Variants in PDE1C observed in about 807,000 individuals in gnomAD.
PDE1C encodes the protein dual specificity calcium/calmodulin-dependent 3',5'-cyclic nucleotide phosphodiesterase 1C.
PDE1C carries 62 observed loss-of-function variants against 93.1 expected under a neutral mutation model. That is an observed-to-expected ratio of 0.67 (90% CI 0.54 to 0.82). The LOEUF (loss-of-function observed/expected upper bound fraction) is 0.82, where lower values mean the gene tolerates loss of function less well. PDE1C is among the 40% of genes least tolerant of loss of function. PDE1C has a pLI of 0.00. For missense variants in PDE1C, 742 were observed against 884.6 expected, an observed-to-expected ratio of 0.84 and a Z score of 2.04; for synonymous variants, 325 against 310.1, an observed-to-expected ratio of 1.05 and a Z score of -0.50.
chr7:31,790,010 A>G, intron 16 of PDE1C: 1 of 1,304,184 alleles, frequency 7.7e-7, no homozygotes, highest in South Asian at 2.5e-5. Context: ...TGTTTTGCTC[A>G]GGGGAATATC....
At chr7:32,029,599 A>G (rs1035950124) in intron 2 of PDE1C, among the ~76,000 whole-genome samples, 5 of 152,084 alleles carry the variant, frequency 3.3e-5, no homozygotes, top group Admixed American at 3.3e-4. Flanking sequence ...GAAGGCAGAG[A>G]GGAAAGAAAG....
At chr7:32,023,327 G>A (rs1788944650) in intron 2 of PDE1C, among the ~76,000 whole-genome samples, 1 of 152,044 alleles carries the variant, frequency 6.6e-6, no homozygotes. Flanking sequence ...AACAACCTTA[G>A]CCACTGTTAC....
chr7:31,817,236 A>G (rs1041710220), intron 14 of PDE1C, among the ~76,000 whole-genome samples: 2 of 152,182 alleles, frequency 1.3e-5, no homozygotes, highest in African/African-American at 4.8e-5. Flanking sequence ...ACAAGGTGAC[A>G]TTTAACCAAG....
At chr7:32,228,749 C>T (rs1401485985) in intron 1 of PDE1C, among the ~76,000 whole-genome samples, 1 of 152,210 alleles carries the variant, frequency 6.6e-6, no homozygotes, top group East Asian at 1.9e-4. Context: ...CCTGTGTCCT[C>T]CTGGCCTACC....
intron 1 of PDE1C, among the ~76,000 whole-genome samples, chr7:32,339,010 G>GCACA (rs57740255): frequency 0.035 from 4,913 of 138,560 alleles, 275 homozygotes; most frequent in African/African-American, 0.12. Flanking sequence ...CTCAAAAAAA[G>GCACA]CACACACACA....
At chr7:31,811,912 A>T (rs1394247068) in intron 15 of PDE1C, among the ~76,000 whole-genome samples, 1 of 152,126 alleles carries the variant, frequency 6.6e-6, no homozygotes, top group Non-Finnish European at 1.5e-5. Context: ...CTAACTTGGA[A>T]GATATCCTGG....
upstream of PDE1C, among the ~76,000 whole-genome samples, chr7:32,072,701 A>G (rs1314861882): frequency 6.6e-6 from 1 of 152,222 alleles, no homozygotes; most frequent in African/African-American, 2.4e-5. Context: ...ACTCGAGACT[A>G]TTCTATGAGG....
chr7:31,857,683 C>CTGGA (rs1794194500), intron 7 of PDE1C, among the ~76,000 whole-genome samples: 1 of 152,156 alleles, frequency 6.6e-6, no homozygotes, highest in Non-Finnish European at 1.5e-5. Context: ...TCTAACCCAC[C>CTGGA]TGGACATTCA....
At chr7:32,217,210 T>C (rs977506126) in intron 1 of PDE1C, among the ~76,000 whole-genome samples, 31 of 152,272 alleles carry the variant, frequency 2.0e-4, no homozygotes, top group African/African-American at 7.5e-4. Flanking sequence ...CAAATGCATC[T>C]CAGTATGAAC....
At chr7:32,167,100 T>A (rs927677616) in intron 3 of PDE1C, among the ~76,000 whole-genome samples, 7 of 150,874 alleles carry the variant, frequency 4.6e-5, no homozygotes, top group African/African-American at 1.5e-4. Context: ...ATATTTGAAA[T>A]TTTTTTGAAA....
intron 1 of PDE1C, among the ~76,000 whole-genome samples, chr7:32,332,874 T>C (rs1439936408): frequency 2.0e-5 from 3 of 152,168 alleles, no homozygotes; most frequent in Non-Finnish European, 4.4e-5. Context: ...GTTATACTTT[T>C]AGGGAGGACC....
At chr7:31,842,528 T>C (rs934888004) in intron 9 of PDE1C, among the ~76,000 whole-genome samples, 4 of 152,070 alleles carry the variant, frequency 2.6e-5, no homozygotes, top group African/African-American at 9.6e-5. Context: ...AGTTGTATTT[T>C]GCAAGGAATT....
At chr7:32,378,399 A>G (rs2128089564) in intron 1 of PDE1C, among the ~76,000 whole-genome samples, 1 of 152,312 alleles carries the variant, frequency 6.6e-6, no homozygotes, top group African/African-American at 2.4e-5. Flanking sequence ...TTTGAGAGGC[A>G]TTTAGTTTAT....
chr7:32,210,128 G>T (rs943811008), intron 1 of PDE1C, among the ~76,000 whole-genome samples: 32 of 152,276 alleles, frequency 2.1e-4, no homozygotes, highest in African/African-American at 7.7e-4. Flanking sequence ...AGCAGGGCAG[G>T]CTACCTCCTA....
chr7:31,620,071 A>AC, the PDE1C span, among the ~76,000 whole-genome samples: 1 of 152,140 alleles, frequency 6.6e-6, no homozygotes, highest in African/African-American at 2.4e-5. Flanking sequence ...GCCCGCCATT[A>AC]CCCAGGCTTG....
At chr7:32,378,284 A>G (rs1784468986) in intron 1 of PDE1C, among the ~76,000 whole-genome samples, 1 of 152,178 alleles carries the variant, frequency 6.6e-6, no homozygotes, top group South Asian at 2.1e-4. Flanking sequence ...TCAAATGCCG[A>G]TCTTGAAACC....
chr7:31,925,705 T>C (rs1339984312), intron 2 of PDE1C, among the ~76,000 whole-genome samples: 1 of 152,160 alleles, frequency 6.6e-6, no homozygotes, highest in East Asian at 1.9e-4. Context: ...TAATAAAAAA[T>C]AAAATGTCTA....
chr7:32,287,381 G>A (rs946951772), intron 1 of PDE1C, among the ~76,000 whole-genome samples: 2 of 152,068 alleles, frequency 1.3e-5, no homozygotes, highest in African/African-American at 2.4e-5. Flanking sequence ...CTCTCCCATC[G>A]CCTCCCCAAC....
intron 1 of PDE1C, among the ~76,000 whole-genome samples, chr7:32,421,204 G>T (rs553505073): frequency 2.0e-5 from 3 of 152,322 alleles, no homozygotes; most frequent in African/African-American, 7.2e-5. Context: ...AGAAGTAGGT[G>T]ATCTAGGGCC....
Sources: gnomAD v4.1 joint callset for allele counts (sites outside exome capture counted in the v4.1 genomes callset) on GRCh38, gnomAD v4.1.1 for gene constraint, MANE v1.5 for transcripts, NCBI Gene and HGNC (gene_info 2026-07-23, HGNC 2026-07-21) for gene names.